The following RASEF variants were observed in gnomAD, a reference collection of about 807,000 sequenced individuals.
RASEF encodes RAS and EF-hand domain containing.
A neutral mutation model predicts 90.1 loss-of-function variants in RASEF; 68 were observed. The observed-to-expected ratio is 0.75, with a 90% CI of 0.62 to 0.92. RASEF has a LOEUF of 0.92. RASEF is among the 40% of genes least tolerant of loss of function. RASEF has a pLI of 0.00. For synonymous variants in RASEF, 331 were observed against 345.2 expected, an observed-to-expected ratio of 0.96 and a Z score of 0.46; for missense variants, 949 against 937.2, an observed-to-expected ratio of 1.01 and a Z score of -0.16.
At chr9:83,055,745 T>A (rs1456554053) in intron 1 of RASEF, 1 of 685,978 alleles carries the variant, frequency 1.5e-6, no homozygotes, top group African/African-American at 1.8e-5. Context: ...TCACATCAAT[T>A]TATTTTACAT....
chr9:83,154,604 G>A, the RASEF span, among the ~76,000 whole-genome samples: 1 of 152,220 alleles, frequency 6.6e-6, no homozygotes, highest in African/African-American at 2.4e-5. Context: ...CAAAAGTCAG[G>A]AACTTCTAAA....
At chr9:83,029,674 G>A (rs1829610535) in intron 1 of RASEF, among the ~76,000 whole-genome samples, 1 of 151,244 alleles carries the variant, frequency 6.6e-6, no homozygotes, top group African/African-American at 2.4e-5. Flanking sequence ...CCCTCCCAAA[G>A]TGCTGGGATT....
At chr9:83,057,661 A>C (rs115842756) in intron 1 of RASEF, among the ~76,000 whole-genome samples, 2,111 of 152,242 alleles carry the variant, frequency 0.014, 41 homozygotes, top group African/African-American at 0.049. Context: ...GTAAATACCC[A>C]ATACAGTCAA....
At chr9:83,118,584 C>T in the RASEF span, among the ~76,000 whole-genome samples, 1 of 151,850 alleles carries the variant, frequency 6.6e-6, no homozygotes, top group African/African-American at 2.4e-5. Flanking sequence ...TGGTTGTGTC[C>T]ATATGAGATA....
At chr9:83,093,453 G>A in the RASEF span, among the ~76,000 whole-genome samples, 2 of 152,366 alleles carry the variant, frequency 1.3e-5, no homozygotes, top group East Asian at 3.9e-4. Flanking sequence ...CGGGAAGGCA[G>A]CTAAGGCCTG....
At chr9:83,126,493 C>T in the RASEF span, among the ~76,000 whole-genome samples, 3 of 152,162 alleles carry the variant, frequency 2.0e-5, no homozygotes, top group African/African-American at 7.2e-5. Context: ...CAGAAATCTA[C>T]CTTACAGGTT....
At chr9:83,201,568 C>T in the RASEF span, among the ~76,000 whole-genome samples, 266 of 152,196 alleles carry the variant, frequency 1.7e-3, 1 homozygote, top group Non-Finnish European at 7.1e-4. Context: ...TGTATTATCA[C>T]GTGGACCAAT....
the RASEF span, among the ~76,000 whole-genome samples, chr9:83,114,534 T>G: frequency 6.6e-6 from 1 of 152,202 alleles, no homozygotes; most frequent in African/African-American, 2.4e-5. Context: ...GAGCCATATT[T>G]CTCTTCTTTC....
chr9:83,076,934 G>A, the RASEF span, among the ~76,000 whole-genome samples: 1 of 152,030 alleles, frequency 6.6e-6, no homozygotes, highest in Non-Finnish European at 1.5e-5. Context: ...ACTCATGACT[G>A]AAAAATTTTT....
At chr9:83,060,958 G>C (rs1440945930) in intron 1 of RASEF, among the ~76,000 whole-genome samples, 1 of 152,160 alleles carries the variant, frequency 6.6e-6, no homozygotes, top group Non-Finnish European at 1.5e-5. Context: ...AATCATTTAA[G>C]GTTGTGTGTG....
At chr9:82,998,186 T>C (rs72740853) in intron 13 of RASEF, among the ~76,000 whole-genome samples, 179 bp downstream of exon 13, 1 of 152,178 alleles carries the variant, frequency 6.6e-6, no homozygotes, top group South Asian at 2.1e-4. Context: ...ATGAAGGAGA[T>C]GTGCGAGAAT....
At chr9:83,023,495 A>G (rs1829480712) in intron 2 of RASEF, among the ~76,000 whole-genome samples, 1 of 152,174 alleles carries the variant, frequency 6.6e-6, no homozygotes, top group Non-Finnish European at 1.5e-5. Flanking sequence ...CACACAACAC[A>G]ATTTATTCAT....
chr9:82,982,908 G>T, intron 16 of RASEF, 126 bp from the exon 17 acceptor site: 1 of 658,936 alleles, frequency 1.5e-6, no homozygotes, highest in Non-Finnish European at 2.7e-6. Flanking sequence ...TGTCTGCACG[G>T]CCTTATAGAC....
At chr9:83,073,998 A>T in the RASEF span, among the ~76,000 whole-genome samples, 1 of 152,196 alleles carries the variant, frequency 6.6e-6, no homozygotes, top group East Asian at 1.9e-4. Flanking sequence ...AATAATGTAT[A>T]CCTCACTTTA....
intron 2 of RASEF, among the ~76,000 whole-genome samples, chr9:83,023,357 G>C (rs1389374872): frequency 3.3e-5 from 5 of 152,212 alleles, no homozygotes; most frequent in African/African-American, 1.2e-4. Context: ...ATGAGCTTTA[G>C]AGGTGATTCA....
At chr9:83,086,796 T>TGAGA in the RASEF span, among the ~76,000 whole-genome samples, 1 of 151,814 alleles carries the variant, frequency 6.6e-6, no homozygotes, top group African/African-American at 2.4e-5. Context: ...GAGGAAGTGA[T>TGAGA]GAGAGAGAGA....
At chr9:83,207,728 C>T in the RASEF span, among the ~76,000 whole-genome samples, 2 of 152,020 alleles carry the variant, frequency 1.3e-5, no homozygotes, top group African/African-American at 4.8e-5. Context: ...CTGTCTCAGC[C>T]TCCCAGGTAG....
At chr9:83,046,235 C>A (rs756850020) in intron 1 of RASEF, among the ~76,000 whole-genome samples, 1 of 152,136 alleles carries the variant, frequency 6.6e-6, no homozygotes, top group African/African-American at 2.4e-5. Flanking sequence ...AAGATACCCA[C>A]AGGTATTCTG....
chr9:83,112,590 G>A, the RASEF span, among the ~76,000 whole-genome samples: 1 of 152,102 alleles, frequency 6.6e-6, no homozygotes, highest in Non-Finnish European at 1.5e-5. Context: ...GGGAGCCTGA[G>A]GGAGGAGAAT....
Sources: allele counts gnomAD v4.1 joint callset (sites outside exome capture counted in the v4.1 genomes callset), GRCh38; gene constraint gnomAD v4.1.1; transcripts MANE v1.5; gene names NCBI Gene and HGNC (gene_info 2026-07-23, HGNC 2026-07-21).